The following PCDH15 variants were observed in gnomAD, a reference collection of about 807,000 sequenced individuals.
PCDH15 encodes protocadherin related 15, also known as protocadherin-15.
Under a neutral mutation model 178.5 loss-of-function variants are expected in PCDH15, and 129 were observed. The observed-to-expected ratio is 0.72, with a 90% CI of 0.63 to 0.84. The LOEUF is 0.84. PCDH15 is among the 40% of genes least tolerant of loss of function. The probability of loss-of-function intolerance (pLI) is 0.00; values close to 1 mark genes in which losing one functional copy is unlikely to be tolerated. For synonymous variants in PCDH15, 800 were observed against 732.0 expected, an observed-to-expected ratio of 1.09 and a Z score of -1.50; for missense variants, 2,230 against 2,099.9, an observed-to-expected ratio of 1.06 and a Z score of -1.21.
At chr10:54,883,163 C>T (rs1591761525) in intron 3 of PCDH15, among the ~76,000 whole-genome samples, 2 of 152,110 alleles carry the variant, frequency 1.3e-5, no homozygotes, top group African/African-American at 2.4e-5. Flanking sequence ...CTGAAGCTAA[C>T]AGCTACTCTC....
At chr10:54,637,002 C>G (rs903453208) in intron 2 of PCDH15, among the ~76,000 whole-genome samples, 3 of 151,676 alleles carry the variant, frequency 2.0e-5, no homozygotes, top group African/African-American at 7.2e-5. Context: ...AAAAGCCTTT[C>G]AAACTTTTAT....
chr10:54,994,518 G>A (rs1019134773), intron 2 of PCDH15, among the ~76,000 whole-genome samples: 10 of 151,966 alleles, frequency 6.6e-5, no homozygotes, highest in African/African-American at 2.2e-4. Flanking sequence ...TGTGATCTCC[G>A]TGAGTTCTGA....
intron 1 of PCDH15, among the ~76,000 whole-genome samples, chr10:54,792,386 G>C (rs984178374): frequency 1.3e-5 from 2 of 151,882 alleles, no homozygotes; most frequent in African/African-American, 4.8e-5. Flanking sequence ...TACTCAAGGA[G>C]CTGTGATGAA....
chr10:55,324,731 A>G (rs1843988005), intron 2 of PCDH15, among the ~76,000 whole-genome samples: 1 of 152,104 alleles, frequency 6.6e-6, no homozygotes, highest in Non-Finnish European at 1.5e-5. Flanking sequence ...ACAACTGACC[A>G]AATAGACCAA....
At chr10:55,208,956 T>G (rs1333710426) in intron 1 of PCDH15, among the ~76,000 whole-genome samples, 13 of 152,048 alleles carry the variant, frequency 8.5e-5, no homozygotes, top group Non-Finnish European at 1.6e-4. Context: ...AAATTACAAC[T>G]GTAATAAGCA....
At position 54,060,652 on chromosome 10, in the gene PCDH15, ATTAG is replaced by A. The variant is rs1388787586; in HGVS notation, c.2220+6101_2220+6104del. 2.0e-5 allele frequency among the ~76,000 whole-genome samples: 3 copies of A among 152,296 alleles called. No homozygotes were observed. The East Asian group carries it at 5.8e-4, about 29-fold the overall frequency. ...AGCTAAATTAGTTATCCAAGATTGC[ATTAG>A]TTATTTTGGCAAGTCAAATTTGAAC... On this transcript the variant is annotated intron_variant, in intron 18 of 37. Coordinates refer to ENST00000644397, the MANE Select transcript of PCDH15 (RefSeq NM_001384140.1).
intron 2 of PCDH15, among the ~76,000 whole-genome samples, chr10:55,106,408 TAAC>T (rs1003435312): frequency 6.6e-5 from 10 of 152,178 alleles, no homozygotes; most frequent in Admixed American, 5.2e-4. Context: ...TTGCATATAA[TAAC>T]AATTATTATT....
chr10:53,903,115 T>C, intron 26 of PCDH15, 128 bp downstream of exon 26: 2 of 1,020,812 alleles, frequency 2.0e-6, no homozygotes, highest in South Asian at 3.1e-5. Context: ...TAAACTAATA[T>C]AGCTCCAAGT....
At chr10:54,608,237 G>A (rs1466938993) in intron 2 of PCDH15, among the ~76,000 whole-genome samples, 1 of 151,688 alleles carries the variant, frequency 6.6e-6, no homozygotes, top group African/African-American at 2.4e-5. Context: ...GGAGGCCGAG[G>A]TGGCTGGATT....
At chr10:54,403,329 G>T (rs1952180787) in intron 3 of PCDH15, among the ~76,000 whole-genome samples, 1 of 151,828 alleles carries the variant, frequency 6.6e-6, no homozygotes, top group South Asian at 2.1e-4. Flanking sequence ...AAAGTACAAG[G>T]TAAAGCAGCA....
At chr10:53,839,472 TA>T (rs1421964740) in intron 29 of PCDH15, among the ~76,000 whole-genome samples, 1 of 151,972 alleles carries the variant, frequency 6.6e-6, no homozygotes, top group African/African-American at 2.4e-5. Context: ...ATATGCTGTT[TA>T]AAAAGTATAG....
chr10:55,183,788 C>G (rs1822760), intron 1 of PCDH15, among the ~76,000 whole-genome samples: 1 of 151,492 alleles, frequency 6.6e-6, no homozygotes, highest in Non-Finnish European at 1.5e-5. Flanking sequence ...GATGACCACA[C>G]GTTTTGTTTG....
intron 35 of PCDH15, among the ~76,000 whole-genome samples, chr10:53,814,878 C>T (rs528904454): frequency 3.3e-5 from 5 of 151,530 alleles, no homozygotes; most frequent in African/African-American, 9.7e-5. Context: ...GCAGGAGAAT[C>T]GCTTGAACCC....
chr10:54,900,332 A>C (rs1004752880), intron 2 of PCDH15, among the ~76,000 whole-genome samples: 1 of 152,202 alleles, frequency 6.6e-6, no homozygotes, highest in Admixed American at 6.5e-5. Context: ...TGTAAAAAAA[A>C]GAAGGTTGTG....
chr10:54,533,486 GA>G lies in PCDH15; in HGVS notation c.92-5610del, dbSNP rs954340863. 8.6e-5 allele frequency among the ~76,000 whole-genome samples: 13 copies of G among 151,700 alleles called. No homozygotes were observed. In the East Asian group the frequency reaches 1.6e-3, roughly 18 times the overall value. ...ACAATAATAGACAAAGTAAAGTGATGAAAAAAAAGGAGAAAATGTTCACTTG... is the reference window on the plus strand; with the variant it reads ...ACAATAATAGACAAAGTAAAGTGATGAAAAAAAGGAGAAAATGTTCACTTG... On this transcript the variant is annotated intron_variant, in intron 2 of 37. Transcript: ENST00000644397.
At chr10:54,605,432 T>C (rs758202009) in intron 2 of PCDH15, among the ~76,000 whole-genome samples, 27 of 152,160 alleles carry the variant, frequency 1.8e-4, no homozygotes, top group Non-Finnish European at 3.7e-4. Context: ...TGTATTTGTT[T>C]GTTTGTTTCC....
At chr10:54,448,473 G>T (rs138788556) in intron 3 of PCDH15, among the ~76,000 whole-genome samples, 1 of 151,542 alleles carries the variant, frequency 6.6e-6, no homozygotes, top group African/African-American at 2.4e-5. Flanking sequence ...TAAATTGGGA[G>T]GGGGTATGTT....
chr10:53,957,689 T>G (rs1372697989), intron 23 of PCDH15, among the ~76,000 whole-genome samples: 1 of 152,040 alleles, frequency 6.6e-6, no homozygotes, highest in Non-Finnish European at 1.5e-5. Flanking sequence ...AATTTTCCAC[T>G]TAATATTTTC....
At chr10:54,465,979 T>G (rs1227821053) in intron 3 of PCDH15, among the ~76,000 whole-genome samples, 2 of 151,974 alleles carry the variant, frequency 1.3e-5, no homozygotes, top group African/African-American at 4.8e-5. Context: ...TGATTTACAC[T>G]TCCATGATGA....
Sources: gnomAD v4.1 joint callset for allele counts (sites outside exome capture counted in the v4.1 genomes callset) on GRCh38, gnomAD v4.1.1 for gene constraint, MANE v1.5 for transcripts, NCBI Gene and HGNC (gene_info 2026-07-23, HGNC 2026-07-21) for gene names.